The following RASAL2 variants were observed in gnomAD, a reference collection of about 807,000 sequenced individuals.
The protein encoded by RASAL2 is ras GTPase-activating protein nGAP.
RASAL2 carries 58 observed loss-of-function variants against 128.9 expected under a neutral mutation model. The ratio of observed to expected loss-of-function variants is 0.45; its 90% confidence interval spans 0.36 to 0.56. RASAL2 has a LOEUF of 0.56. RASAL2 is among the 20% of genes least tolerant of loss of function. RASAL2 has a pLI of 0.00. For synonymous variants in RASAL2, 561 were observed against 580.8 expected (o/e 0.97, Z 0.49); for missense variants, 1,360 against 1,601.6 (o/e 0.85, Z 2.57).
chr1:178,106,138 C>A (rs1286566919), intron 1 of RASAL2, among the ~76,000 whole-genome samples: 1 of 151,956 alleles, frequency 6.6e-6, no homozygotes, highest in African/African-American at 2.4e-5. Flanking sequence ...GAAGATTATT[C>A]TTGTTTTGTT....
intron 14 of RASAL2, among the ~76,000 whole-genome samples, chr1:178,462,567 C>T (rs1213364983): frequency 1.3e-5 from 2 of 152,084 alleles, no homozygotes; most frequent in Non-Finnish European, 1.5e-5. Flanking sequence ...TTCAATCTAG[C>T]ACAATAACTA....
At chr1:178,231,624 TAC>T in intron 1 of RASAL2, among the ~76,000 whole-genome samples, 1 of 152,262 alleles carries the variant, frequency 6.6e-6, no homozygotes, top group East Asian at 1.9e-4. Flanking sequence ...GTCACAAAAA[TAC>T]TCACTCACAG....
At chr1:178,131,172 A>C (rs1660100523) in intron 1 of RASAL2, among the ~76,000 whole-genome samples, 1 of 152,058 alleles carries the variant, frequency 6.6e-6, no homozygotes, top group Non-Finnish European at 1.5e-5. Flanking sequence ...AGTAAGTGCC[A>C]AGACCCTTTT....
At chr1:178,179,880 G>C (rs375003963) in intron 1 of RASAL2, among the ~76,000 whole-genome samples, 1 of 152,080 alleles carries the variant, frequency 6.6e-6, no homozygotes, top group Non-Finnish European at 1.5e-5. Context: ...AATCTTGTTC[G>C]TACGAAATAG....
intron 2 of RASAL2, among the ~76,000 whole-genome samples, chr1:178,296,792 C>A (rs1300755174): frequency 1.3e-5 from 2 of 151,672 alleles, no homozygotes. Context: ...CCTGCCTCAG[C>A]CTCCCAAGTA....
At chr1:178,141,201 T>TC (rs1395976984) in intron 1 of RASAL2, among the ~76,000 whole-genome samples, 2 of 128,908 alleles carry the variant, frequency 1.6e-5, no homozygotes, top group Non-Finnish European at 3.3e-5. Flanking sequence ...TTCTTTTTTT[T>TC]TTTTTTTTTT....
chr1:178,227,711 A>G (rs1663844888), intron 1 of RASAL2, among the ~76,000 whole-genome samples: 1 of 152,244 alleles, frequency 6.6e-6, no homozygotes, highest in Non-Finnish European at 1.5e-5. Context: ...TTTAAATGTC[A>G]TTTTGACATA....
intron 3 of RASAL2, among the ~76,000 whole-genome samples, chr1:178,340,863 A>G (rs1034563808): frequency 6.6e-6 from 1 of 152,218 alleles, no homozygotes; most frequent in African/African-American, 2.4e-5. Context: ...AATACAGGGC[A>G]TTTCTGTATG....
intron 1 of RASAL2, among the ~76,000 whole-genome samples, chr1:178,170,460 G>A (rs982558682): frequency 6.6e-6 from 1 of 151,584 alleles, no homozygotes; most frequent in African/African-American, 2.4e-5. Context: ...AATCAGACAA[G>A]GGAATATGTA....
At chr1:178,180,663 TCACACACACACACA>T (rs3979280) in intron 1 of RASAL2, among the ~76,000 whole-genome samples, 3 of 139,158 alleles carry the variant, frequency 2.2e-5, no homozygotes, top group African/African-American at 8.1e-5. Flanking sequence ...CGAGACTGTC[TCACACACACACACA>T]CACACACACA....
In RASAL2 at chr1:178,452,535, G is replaced by A; in HGVS notation, c.1892G>A (p.Cys631Tyr). The A allele has an allele frequency of 6.2e-7, 1 of 1,613,964 alleles. No individual in the cohort carries two copies. The highest frequency in any genetic ancestry group is 8.5e-7 in the Non-Finnish European group (1 of 1,179,926). ...GCCTCATTATTTCTCCGTTTTCTGT[G>A]TCCAGCCATTATGTCTCCCAGTCTT... Reference protein sequence around the residue: ...ISASLFLRFLCPAIMSPSLFN... With the variant: ...ISASLFLRFLYPAIMSPSLFN... Residue 631 changes from cysteine to tyrosine, a missense_variant, in exon 11 of 18, where the codon TGT becomes TAT. Physicochemically the swap from Cys to Tyr is radical, Grantham distance 194. Around this residue, in one of 3 missense-constraint regions of RASAL2, gnomAD observed 741 missense variants for 868.6 expected, o/e 0.85. Coordinates refer to ENST00000367649, the MANE Select transcript of RASAL2 (RefSeq NM_170692.4).
At chr1:178,269,004 C>T (rs1666117060) in intron 1 of RASAL2, among the ~76,000 whole-genome samples, 1 of 152,096 alleles carries the variant, frequency 6.6e-6, no homozygotes, top group Non-Finnish European at 1.5e-5. Context: ...GAGTGTGTCT[C>T]CCCAAAGTTA....
At chr1:178,464,162 A>G (rs1647399967) in intron 14 of RASAL2, 116 bp from the exon 15 acceptor site, 2 of 1,251,962 alleles carry the variant, frequency 1.6e-6, no homozygotes, top group African/African-American at 3.0e-5. Flanking sequence ...TAAAGCTAAG[A>G]GCATTTATTA....
At chr1:178,424,017 AG>A (rs951423771) in intron 5 of RASAL2, among the ~76,000 whole-genome samples, 1 of 152,090 alleles carries the variant, frequency 6.6e-6, no homozygotes, top group African/African-American at 2.4e-5. Flanking sequence ...TTGGGTGGGA[AG>A]GGGGGCTTAT....
intron 3 of RASAL2, among the ~76,000 whole-genome samples, chr1:178,354,337 G>C (rs142309398): frequency 6.6e-6 from 1 of 152,060 alleles, no homozygotes; most frequent in Non-Finnish European, 1.5e-5. Flanking sequence ...AACAACAATA[G>C]AAAAGAATTT....
intron 3 of RASAL2, among the ~76,000 whole-genome samples, chr1:178,367,756 G>A (rs1028286549): frequency 3.3e-5 from 5 of 152,152 alleles, no homozygotes; most frequent in Admixed American, 6.5e-5. Flanking sequence ...AGTAATTTCT[G>A]TCTTGAAAGC....
chr1:178,401,243 C>T (rs949673611), intron 4 of RASAL2, among the ~76,000 whole-genome samples: 3 of 152,178 alleles, frequency 2.0e-5, no homozygotes, highest in Admixed American at 1.3e-4. Context: ...ATAGTTTCTT[C>T]ATCATTAGTT....
At chr1:178,296,815 G>A (rs887582457) in intron 2 of RASAL2, among the ~76,000 whole-genome samples, 3 of 151,750 alleles carry the variant, frequency 2.0e-5, no homozygotes, top group Admixed American at 6.6e-5. Flanking sequence ...TGGAATTACA[G>A]GCATGCCCCA....
chr1:178,244,994 G>A (rs1664705185), intron 1 of RASAL2, among the ~76,000 whole-genome samples: 1 of 152,130 alleles, frequency 6.6e-6, no homozygotes, highest in Non-Finnish European at 1.5e-5. Flanking sequence ...CATTTGGGTT[G>A]GTTCCAAGTT....
Sources: allele counts gnomAD v4.1 joint callset (sites outside exome capture counted in the v4.1 genomes callset), GRCh38; gene constraint gnomAD v4.1.1; regional missense constraint gnomAD v4.1.1; transcripts MANE v1.5; gene names NCBI Gene and HGNC (gene_info 2026-07-23, HGNC 2026-07-21).